The following BLVRB variants were observed in gnomAD, a reference collection of about 807,000 sequenced individuals.
BLVRB encodes the protein flavin reductase (NADPH).
Under a neutral mutation model 21.1 loss-of-function variants are expected in BLVRB, and 25 were observed. The ratio of observed to expected loss-of-function variants is 1.19; its 90% CI spans 0.86 to 1.66. The LOEUF (loss-of-function observed/expected upper bound fraction) is 1.66. BLVRB is among the 40% of genes most tolerant of loss of function. The pLI, the probability that BLVRB is intolerant of heterozygous loss-of-function variation, is 0.00. For synonymous variants in BLVRB, 128 were observed against 122.2 expected, an observed-to-expected ratio of 1.05 and a Z score of -0.31; for missense variants, 274 against 282.7, an observed-to-expected ratio of 0.97 and a Z score of 0.22.
intron 1 of BLVRB, 53 bp from the exon 2 acceptor site, chr19:40,458,598 T>C: frequency 4.6e-6 from 7 of 1,512,646 alleles, no homozygotes; most frequent in Admixed American, 2.1e-5. Flanking sequence ...ACTCTTGGGC[T>C]CCAGGAGCTG....
chr19:40,452,134 A>C (rs2079742664), intron 3 of BLVRB, among the ~76,000 whole-genome samples: 2 of 152,042 alleles, frequency 1.3e-5, no homozygotes, highest in African/African-American at 4.8e-5. Context: ...CATCTCACTC[A>C]GGGTAGAAGC....
chr19:40,457,996 C>T, intron 3 of BLVRB, 159 bp downstream of exon 3: 1 of 722,800 alleles, frequency 1.4e-6, no homozygotes, highest in Non-Finnish European at 2.4e-6. Context: ...CAGGTCACCA[C>T]TGTGTCCCCA....
chr19:40,461,517 T>C (rs2145783121), intron 1 of BLVRB, among the ~76,000 whole-genome samples: 1 of 141,042 alleles, frequency 7.1e-6, no homozygotes, highest in East Asian at 2.1e-4. Flanking sequence ...TTTTTTTTTC[T>C]GAGACGGAGT....
chr19:40,451,908 G>A (rs2079741890), intron 3 of BLVRB, among the ~76,000 whole-genome samples: 1 of 152,042 alleles, frequency 6.6e-6, no homozygotes, highest in Non-Finnish European at 1.5e-5. Flanking sequence ...AAAAACAGGG[G>A]AGTCCTCTGG....
intron 3 of BLVRB, chr19:40,457,788 G>C (rs2079768087): frequency 3.8e-6 from 1 of 260,130 alleles, no homozygotes; most frequent in African/African-American, 2.2e-5. Flanking sequence ...CTTCCTCTGG[G>C]AGGCCTACCC....
chr19:40,465,387 G>A (rs938137499), intron 1 of BLVRB, among the ~76,000 whole-genome samples: 3 of 152,160 alleles, frequency 2.0e-5, no homozygotes, highest in Non-Finnish European at 4.4e-5. Context: ...AGTCCTCCCG[G>A]GGCTCCCGGG....
At chr19:40,457,890 CCG>C in intron 3 of BLVRB, 1 of 479,982 alleles carries the variant, frequency 2.1e-6, no homozygotes, top group Non-Finnish European at 3.8e-6. Flanking sequence ...TGCCTGCCTC[CCG>C]ATCCCAGCTC....
chr19:40,458,210 G>T lies in BLVRB; in HGVS notation c.279C>A (p.Asn93Lys). ...CATGAGCCTTCATGGCTGCCACAAT[G>T]TTCCGGGCGCCCTCGGACATCACTG... ...PTTVMSEGARNIVAAMKAHGV... is the reference protein window; with the variant it reads ...PTTVMSEGARKIVAAMKAHGV... Residue 93 changes from asparagine (N) to lysine (K), a missense_variant, in exon 3 of 5, where the codon AAC (asparagine) becomes AAA (lysine). Coordinates refer to ENST00000263368, the MANE Select transcript of BLVRB (RefSeq NM_000713.3). 1 of 1,613,886 alleles carries T rather than the reference G, an allele frequency of 6.2e-7. No homozygotes were observed. Among genetic ancestry groups the T allele is most frequent in the Non-Finnish European group, 8.5e-7 (1 of 1,179,936 alleles).
chr19:40,462,594 G>A (rs62106992), intron 1 of BLVRB, among the ~76,000 whole-genome samples: 80,580 of 146,476 alleles, frequency 0.55, 24,157 homozygotes, highest in African/African-American at 0.81. Flanking sequence ...TAAGCTTTTT[G>A]AAAATCTCAG....
chr19:40,464,590 TCTTA>T (rs370549587), intron 1 of BLVRB, among the ~76,000 whole-genome samples: 23 of 152,320 alleles, frequency 1.5e-4, no homozygotes, highest in Middle Eastern at 3.4e-3. Flanking sequence ...AACTTCTCTC[TCTTA>T]CTTCCTTCTC....
intron 3 of BLVRB, among the ~76,000 whole-genome samples, chr19:40,456,347 C>T (rs940044218): frequency 2.6e-5 from 4 of 151,362 alleles, no homozygotes; most frequent in Non-Finnish European, 1.5e-5. Flanking sequence ...TCCTTGAGCC[C>T]AGGGGTTCAA....
intron 1 of BLVRB, among the ~76,000 whole-genome samples, chr19:40,458,914 A>G (rs2079774647): frequency 6.6e-6 from 1 of 151,468 alleles, no homozygotes; most frequent in Admixed American, 6.6e-5. Context: ...GCTGGTCTTG[A>G]ACTCCTGGGC....
chr19:40,465,542 C>G, intron 1 of BLVRB, 68 bp downstream of exon 1: 1 of 1,544,926 alleles, frequency 6.5e-7, no homozygotes, highest in South Asian at 1.2e-5. Flanking sequence ...CGGCCCGACC[C>G]CATGGTGCCC....
At chr19:40,452,681 A>G (rs1425591084) in intron 3 of BLVRB, among the ~76,000 whole-genome samples, 3 of 152,060 alleles carry the variant, frequency 2.0e-5, no homozygotes, top group Admixed American at 6.6e-5. Flanking sequence ...CCTGGCCAAC[A>G]TGGTGAAACC....
chr19:40,457,124 G>A (rs2079765158), intron 3 of BLVRB, among the ~76,000 whole-genome samples: 1 of 149,010 alleles, frequency 6.7e-6, no homozygotes, highest in Non-Finnish European at 1.5e-5. Context: ...AGTGAGCCAT[G>A]GTTGCACCAC....
rs1282249957 is a variant in BLVRB at position 40,462,644 on chromosome 19, C to A, written c.79+2966G>T. Reference sequence around the variant, plus strand: ...TGGTGGCTCACGCCTGTAATCCCAGCACTTTGGGAGGCTGAGGCGGGCGGA... The same window carrying A: ...TGGTGGCTCACGCCTGTAATCCCAGAACTTTGGGAGGCTGAGGCGGGCGGA... On this transcript the variant is annotated intron_variant, in intron 1 of 4. Transcript: ENST00000263368. 2.0e-5 allele frequency among the ~76,000 whole-genome samples: 3 copies of A among 149,166 alleles called. No homozygotes were observed. The East Asian group carries it at 6.0e-4, about 30-fold the overall frequency.
chr19:40,462,762 A>G (rs755213109), intron 1 of BLVRB, among the ~76,000 whole-genome samples: 1 of 150,666 alleles, frequency 6.6e-6, no homozygotes, highest in African/African-American at 2.4e-5. Context: ...GCATGGTGGC[A>G]GGCGCCTGTA....
At chr19:40,463,932 T>C (rs1246554220) in intron 1 of BLVRB, among the ~76,000 whole-genome samples, 1 of 152,006 alleles carries the variant, frequency 6.6e-6, no homozygotes, top group African/African-American at 2.4e-5. Flanking sequence ...CATGCCCGGC[T>C]AATTTTTCGT....
chr19:40,460,540 A>G (rs1011257622), intron 1 of BLVRB, among the ~76,000 whole-genome samples: 2 of 151,220 alleles, frequency 1.3e-5, no homozygotes, highest in Non-Finnish European at 2.9e-5. Context: ...CTGAGGCTGT[A>G]GTGAGCTATG....
Sources: gnomAD v4.1 joint callset for allele counts (sites outside exome capture counted in the v4.1 genomes callset) on GRCh38, gnomAD v4.1.1 for gene constraint, MANE v1.5 for transcripts, NCBI Gene and HGNC (gene_info 2026-07-23, HGNC 2026-07-21) for gene names.